Variants in CNTN6 observed in about 807,000 individuals in gnomAD.
CNTN6 encodes the protein contactin-6.
CNTN6 carries 137 observed loss-of-function variants against 122.8 expected under a neutral mutation model. The observed-to-expected ratio is 1.12, with a 90% CI of 0.97 to 1.29. The LOEUF is 1.29. Among genes scored for constraint, CNTN6 ranks in the 50% most tolerant of loss-of-function variants. The pLI, the probability that CNTN6 is intolerant of heterozygous loss-of-function variation, is 0.00. For synonymous variants in CNTN6, 570 were observed against 426.0 expected (o/e 1.34, Z -4.16); for missense variants, 1,634 against 1,223.4 (o/e 1.34, Z -5.01).
intron 20 of CNTN6, among the ~76,000 whole-genome samples, chr3:1,398,632 G>T (rs1054383724): frequency 6.6e-6 from 1 of 151,938 alleles, no homozygotes. Context: ...ACAGTTACAG[G>T]GCTTTTTAAT....
intron 1 of CNTN6, among the ~76,000 whole-genome samples, chr3:1,103,127 A>G (rs558995751): frequency 5.3e-5 from 8 of 152,324 alleles, no homozygotes; most frequent in African/African-American, 1.9e-4. Context: ...ATAAAAAAAA[A>G]AGAAAGTCCT....
intron 5 of CNTN6, among the ~76,000 whole-genome samples, chr3:1,285,316 T>C (rs1694145252): frequency 6.6e-6 from 1 of 152,124 alleles, no homozygotes; most frequent in Non-Finnish European, 1.5e-5. Flanking sequence ...GTATCATTTA[T>C]TGGGGTGGAG....
intron 11 of CNTN6, among the ~76,000 whole-genome samples, chr3:1,334,978 G>T (rs114329078): frequency 0.01 from 1,530 of 152,218 alleles, 32 homozygotes; most frequent in African/African-American, 0.035. Flanking sequence ...CTAACTGGGT[G>T]CTGGGGATAA....
chr3:1,330,000 T>G (rs1419948587), intron 11 of CNTN6, 65 bp downstream of exon 11: 23 of 1,273,214 alleles, frequency 1.8e-5, no homozygotes, highest in Admixed American at 6.5e-5. Context: ...AATTTTTAGG[T>G]TTTAGTAGGC....
intron 5 of CNTN6, among the ~76,000 whole-genome samples, chr3:1,288,371 C>T (rs1401056579): frequency 1.1e-4 from 17 of 152,160 alleles, no homozygotes; most frequent in Admixed American, 1.0e-3. Flanking sequence ...TCGTAAACTT[C>T]CTCAGCCTAA....
At chr3:1,105,501 A>C (rs2091175657) in intron 1 of CNTN6, among the ~76,000 whole-genome samples, 1 of 152,170 alleles carries the variant, frequency 6.6e-6, no homozygotes, top group South Asian at 2.1e-4. Context: ...AATGTTTTAT[A>C]AATTATTTGA....
intron 4 of CNTN6, among the ~76,000 whole-genome samples, chr3:1,235,822 C>T (rs1219834014): frequency 6.6e-6 from 1 of 151,824 alleles, no homozygotes; most frequent in Non-Finnish European, 1.5e-5. Flanking sequence ...GTTCTCAGCC[C>T]TGGTCACTAG....
At chr3:1,275,456 CCTCT>C (rs1277642726) in intron 4 of CNTN6, among the ~76,000 whole-genome samples, 1 of 152,026 alleles carries the variant, frequency 6.6e-6, no homozygotes, top group African/African-American at 2.4e-5. Flanking sequence ...TTACACACAC[CCTCT>C]CTCTCATATC....
intron 4 of CNTN6, among the ~76,000 whole-genome samples, chr3:1,239,642 C>T (rs1378581467): frequency 6.6e-6 from 1 of 152,108 alleles, no homozygotes; most frequent in Non-Finnish European, 1.5e-5. Flanking sequence ...CAAGATAGCA[C>T]CATCATTCTT....
At chr3:1,241,859 C>T (rs548300826) in intron 4 of CNTN6, among the ~76,000 whole-genome samples, 2 of 152,312 alleles carry the variant, frequency 1.3e-5, no homozygotes, top group South Asian at 2.1e-4. Context: ...ATTTTGAAGG[C>T]CTCTAAAAGT....
intron 12 of CNTN6, among the ~76,000 whole-genome samples, chr3:1,368,530 A>G (rs1258353372): frequency 6.6e-6 from 1 of 152,194 alleles, no homozygotes; most frequent in Non-Finnish European, 1.5e-5. Flanking sequence ...TTGCAAAATA[A>G]AAACTTATCA....
intron 7 of CNTN6, among the ~76,000 whole-genome samples, chr3:1,316,518 A>G (rs1229279847): frequency 6.6e-6 from 1 of 151,668 alleles, no homozygotes; most frequent in African/African-American, 2.4e-5. Flanking sequence ...TGAATGATCC[A>G]CCCCCATAAT....
intron 7 of CNTN6, chr3:1,298,289 G>C (rs556204304): frequency 9.0e-6 from 2 of 221,446 alleles, no homozygotes; most frequent in South Asian, 1.1e-4. Flanking sequence ...AAGTGCACTC[G>C]TATAAGATGA....
At chr3:1,153,815 C>G (rs761968265) in intron 2 of CNTN6, among the ~76,000 whole-genome samples, 2 of 152,198 alleles carry the variant, frequency 1.3e-5, no homozygotes, top group Non-Finnish European at 2.9e-5. Context: ...ATGTATCACA[C>G]AGCAAATCCA....
At chr3:1,246,297 A>G (rs1222484727) in intron 4 of CNTN6, among the ~76,000 whole-genome samples, 1 of 152,184 alleles carries the variant, frequency 6.6e-6, no homozygotes, top group Admixed American at 6.6e-5. Flanking sequence ...AAATCATGCA[A>G]TATATAATAT....
chr3:1,141,483 A>G (rs2092607297), intron 1 of CNTN6, among the ~76,000 whole-genome samples: 1 of 152,188 alleles, frequency 6.6e-6, no homozygotes, highest in Admixed American at 6.6e-5. Context: ...TTTCAAAGTA[A>G]TATTCCTCCT....
At chr3:1,199,886 CAAATA>C (rs1345673368) in intron 2 of CNTN6, among the ~76,000 whole-genome samples, 2 of 151,996 alleles carry the variant, frequency 1.3e-5, no homozygotes, top group African/African-American at 2.4e-5. Context: ...CCAAAAGAAA[CAAATA>C]AAATAAACAA....
chr3:1,127,684 C>T (rs1174390240), intron 1 of CNTN6, among the ~76,000 whole-genome samples: 1 of 151,914 alleles, frequency 6.6e-6, no homozygotes, highest in Non-Finnish European at 1.5e-5. Context: ...TACTTTGATA[C>T]TTATTCTAGA....
chr3:1,239,131 C>G (rs1465991575), intron 4 of CNTN6, among the ~76,000 whole-genome samples: 1 of 152,140 alleles, frequency 6.6e-6, no homozygotes, highest in African/African-American at 2.4e-5. Context: ...CCCACTTTCA[C>G]TCCTTCTATT....
Sources: allele counts gnomAD v4.1 joint callset (sites outside exome capture counted in the v4.1 genomes callset), GRCh38; gene constraint gnomAD v4.1.1; transcripts MANE v1.5; gene names NCBI Gene and HGNC (gene_info 2026-07-23, HGNC 2026-07-21).